The following ANO10 variants were observed in gnomAD, a reference collection of about 807,000 sequenced individuals.
ANO10 encodes the protein anoctamin-10.
ANO10 carries 77 observed loss-of-function variants against 74.7 expected under a neutral mutation model. That is an observed-to-expected ratio of 1.03 (90% CI 0.86 to 1.25). ANO10 has a LOEUF of 1.25. Among genes scored for constraint, ANO10 ranks in the 50% most tolerant of loss-of-function variants. ANO10 has a pLI of 0.00. For missense variants in ANO10, 721 were observed against 778.1 expected (o/e 0.93, Z 0.87); for synonymous variants, 279 against 284.9 (o/e 0.98, Z 0.21).
intron 1 of ANO10, among the ~76,000 whole-genome samples, chr3:43,640,541 A>G (rs1403103760): frequency 6.6e-6 from 1 of 152,174 alleles, no homozygotes; most frequent in Non-Finnish European, 1.5e-5. Context: ...CATGCACTAA[A>G]AAGATTCTGG....
intron 11 of ANO10, among the ~76,000 whole-genome samples, chr3:43,474,360 C>T (rs1296419002): frequency 6.6e-6 from 1 of 151,840 alleles, no homozygotes; most frequent in Non-Finnish European, 1.5e-5. Context: ...TTGCAGAGCT[C>T]AAAGCAGGAG....
chr3:43,381,737 A>G (rs766276249), intron 12 of ANO10, among the ~76,000 whole-genome samples: 1 of 152,252 alleles, frequency 6.6e-6, no homozygotes, highest in Non-Finnish European at 1.5e-5. Flanking sequence ...ATATTTACAG[A>G]ACATTCTACT....
At chr3:43,469,740 C>T (rs908941348) in intron 11 of ANO10, among the ~76,000 whole-genome samples, 5 of 152,202 alleles carry the variant, frequency 3.3e-5, no homozygotes, top group African/African-American at 1.2e-4. Flanking sequence ...TAATCTTCTT[C>T]TAATGACTAG....
chr3:43,620,379 A>C (rs529726716), intron 1 of ANO10, among the ~76,000 whole-genome samples: 62 of 152,238 alleles, frequency 4.1e-4, no homozygotes, highest in Non-Finnish European at 1.5e-4. Context: ...TATACACAAA[A>C]ATACAAAAAT....
At chr3:43,521,474 C>T (rs1457313304) in intron 11 of ANO10, among the ~76,000 whole-genome samples, 2 of 152,122 alleles carry the variant, frequency 1.3e-5, no homozygotes, top group African/African-American at 2.4e-5. Flanking sequence ...AGAAATGGAA[C>T]TTTACTTAAC....
chr3:43,410,488 C>G (rs1421991198), intron 12 of ANO10, among the ~76,000 whole-genome samples: 1 of 152,146 alleles, frequency 6.6e-6, no homozygotes, highest in African/African-American at 2.4e-5. Flanking sequence ...ATTGGTCTTA[C>G]TGGCCCTGTA....
chr3:43,495,155 A>C (rs531624569), intron 11 of ANO10, among the ~76,000 whole-genome samples: 72 of 152,230 alleles, frequency 4.7e-4, no homozygotes, highest in African/African-American at 1.6e-3. Flanking sequence ...CGGTTTAATA[A>C]ATGATATAAA....
intron 11 of ANO10, among the ~76,000 whole-genome samples, chr3:43,533,638 TG>T (rs909379470): frequency 1.3e-5 from 2 of 152,236 alleles, no homozygotes; most frequent in African/African-American, 4.8e-5. Context: ...CAAAAATATT[TG>T]TTATTCATAA....
At chr3:43,458,894 T>C (rs2075259177) in intron 11 of ANO10, among the ~76,000 whole-genome samples, 1 of 151,962 alleles carries the variant, frequency 6.6e-6, no homozygotes, top group South Asian at 2.1e-4. Flanking sequence ...CACTTATGAG[T>C]GAGAATATGT....
intron 11 of ANO10, among the ~76,000 whole-genome samples, chr3:43,531,564 G>T (rs1456606910): frequency 6.6e-6 from 1 of 152,134 alleles, no homozygotes; most frequent in Non-Finnish European, 1.5e-5. Context: ...ATAAAAATGT[G>T]TGATCTGACG....
At chr3:43,371,949 G>A (rs1183469846) in intron 12 of ANO10, among the ~76,000 whole-genome samples, 2 of 152,154 alleles carry the variant, frequency 1.3e-5, no homozygotes, top group Non-Finnish European at 2.9e-5. Flanking sequence ...GGGCTTGGTG[G>A]TGCCATAAGG....
chr3:43,398,824 G>C (rs980390267), intron 12 of ANO10, among the ~76,000 whole-genome samples: 6 of 152,112 alleles, frequency 3.9e-5, no homozygotes, highest in Non-Finnish European at 7.4e-5. Flanking sequence ...GGGGATAATA[G>C]TATCTATCTC....
At chr3:43,674,487 G>A (rs1427757990) in intron 1 of ANO10, among the ~76,000 whole-genome samples, 1 of 151,994 alleles carries the variant, frequency 6.6e-6, no homozygotes, top group Non-Finnish European at 1.5e-5. Context: ...TTTTCCTGAG[G>A]TGACTGCCTC....
At chr3:43,467,802 A>T (rs1055928174) in intron 11 of ANO10, among the ~76,000 whole-genome samples, 7 of 152,214 alleles carry the variant, frequency 4.6e-5, no homozygotes, top group Non-Finnish European at 5.9e-5. Context: ...ATCCTTCCTT[A>T]ACTCTTCTAA....
chr3:43,633,315 A>G (rs1211124107), intron 1 of ANO10, among the ~76,000 whole-genome samples: 1 of 152,154 alleles, frequency 6.6e-6, no homozygotes, highest in Non-Finnish European at 1.5e-5. Context: ...CCACATACAT[A>G]TTTTGAATAT....
intron 11 of ANO10, chr3:43,484,823 T>G: frequency 2.0e-6 from 1 of 508,070 alleles, no homozygotes; most frequent in East Asian, 3.4e-5. Context: ...GACTTAGGAT[T>G]TTATTTTTGG....
At chr3:43,637,425 C>T (rs1054787971) in intron 1 of ANO10, among the ~76,000 whole-genome samples, 10 of 151,962 alleles carry the variant, frequency 6.6e-5, no homozygotes, top group South Asian at 2.1e-4. Flanking sequence ...GCCGAGATGG[C>T]GCCACTGCAC....
intron 11 of ANO10, among the ~76,000 whole-genome samples, chr3:43,450,925 C>T (rs1005914372): frequency 6.6e-6 from 1 of 152,166 alleles, no homozygotes; most frequent in Non-Finnish European, 1.5e-5. Context: ...TAGGTATCTG[C>T]CAAGTCCAGG....
At chr3:43,428,141 C>T (rs974346923) in intron 12 of ANO10, among the ~76,000 whole-genome samples, 5 of 151,966 alleles carry the variant, frequency 3.3e-5, no homozygotes, top group African/African-American at 9.7e-5. Flanking sequence ...CCTCCACCTT[C>T]GAGATTCAAG....
Sources: allele counts gnomAD v4.1 joint callset (sites outside exome capture counted in the v4.1 genomes callset), GRCh38; gene constraint gnomAD v4.1.1; transcripts MANE v1.5; gene names NCBI Gene and HGNC (gene_info 2026-07-23, HGNC 2026-07-21).